The following ANKS1A variants were observed in gnomAD, a reference collection of about 807,000 sequenced individuals.
ANKS1A encodes ankyrin repeat and sterile alpha motif domain containing 1A.
In ANKS1A, 55 loss-of-function variants were observed where a neutral mutation model predicts 120.3. That is an observed-to-expected ratio of 0.46 (90% CI 0.37 to 0.57). The LOEUF (loss-of-function observed/expected upper bound fraction) is 0.57, where lower values mean the gene tolerates loss of function less well. ANKS1A is among the 20% of genes least tolerant of loss of function. The pLI is 0.00. For synonymous variants in ANKS1A, 590 were observed against 604.7 expected (o/e 0.98, Z 0.36); for missense variants, 1,123 against 1,480.3 (o/e 0.76, Z 3.96).
At position 35,091,282 on chromosome 6, in the gene ANKS1A, AGACT is replaced by A. The variant is rs1234961695; in HGVS notation, c.*2677_*2680del. The A allele has an allele frequency of 1.8e-4, 178 of 985,808 alleles. No individual in the cohort carries two copies. Among genetic ancestry groups the A allele is most frequent in the Non-Finnish European group, 2.1e-4 (173 of 829,964 alleles). 61.1% of individuals were successfully genotyped at this position (985,808 alleles called of 1,614,324 possible). Reference sequence around the variant, plus strand: ...ACATAACCAATCTGTGCAACAACATAGACTGACCTCAGTACCCAAGAGAGTGTAA... The same window carrying A: ...ACATAACCAATCTGTGCAACAACATAGACCTCAGTACCCAAGAGAGTGTAA... On this transcript the variant is annotated 3_prime_UTR_variant, in exon 24 of 24. Transcript: ENST00000360359.
chr6:34,940,409 C>G (rs961516445), intron 1 of ANKS1A, among the ~76,000 whole-genome samples: 2 of 152,066 alleles, frequency 1.3e-5, no homozygotes, highest in African/African-American at 2.4e-5. Context: ...CCTTGAGGCA[C>G]TTGTGGGAAT....
At chr6:34,942,300 A>C (rs901168697) in intron 1 of ANKS1A, among the ~76,000 whole-genome samples, 6 of 152,210 alleles carry the variant, frequency 3.9e-5, no homozygotes, top group Admixed American at 1.3e-4. Context: ...TGAACTTGGC[A>C]GTGTATGACA....
intron 3 of ANKS1A, among the ~76,000 whole-genome samples, chr6:34,978,181 C>A (rs1303821442): frequency 6.6e-6 from 1 of 152,078 alleles, no homozygotes; most frequent in Non-Finnish European, 1.5e-5. Flanking sequence ...GGGTCTCTAT[C>A]TCCTGACCTC....
chr6:35,079,390 G>T, intron 14 of ANKS1A, 126 bp from the exon 15 acceptor site: 1 of 1,175,412 alleles, frequency 8.5e-7, no homozygotes, highest in Non-Finnish European at 1.2e-6. Flanking sequence ...GCTGGAAGGT[G>T]CTGAGGACCC....
At position 35,090,540 on chromosome 6, in the gene ANKS1A, T is replaced by G; in HGVS notation, c.*1931T>G. On this transcript the variant is annotated 3_prime_UTR_variant, in exon 24 of 24. Transcript: ENST00000360359. ...TTTATTTATTCAGGGTATTTTCATA[T>G]TGGAAGCCTTGGCTAGTCTGCTCTA... is the stretch of plus-strand genomic sequence containing the variant. The G allele has an allele frequency of 1.9e-6, 2 of 1,035,736 alleles. No homozygotes were observed. The highest frequency in any genetic ancestry group is 2.3e-6 in the Non-Finnish European group (2 of 860,348). The allele number at this position is 1,035,736 out of a possible 1,614,324, so 64.2% of individuals were successfully genotyped here.
In ANKS1A at chr6:35,024,747, A is replaced by AT. The variant is rs540056019; in HGVS notation, c.2010+6690dup. Among the ~76,000 whole-genome samples, 759 of 152,316 alleles carry AT rather than the reference A, an allele frequency of 5.0e-3. 2 individuals carry two copies. The highest frequency in any genetic ancestry group is 0.018 in the South Asian group (87 of 4,822). On this transcript the variant is annotated intron_variant, in intron 11 of 23. Transcript: ENST00000360359. ...ACCTCGCCCTTTCCAGCTCTTTCTC[A>AT]TTAGAGGCATGATGTCATCAAGAGA... is the stretch of plus-strand genomic sequence containing the variant.
chr6:35,086,260 T>C lies in ANKS1A; in HGVS notation c.3303+324T>C, dbSNP rs922647763. The C allele has an allele frequency of 7.4e-7, 1 of 1,352,460 alleles. No homozygotes were observed. The highest frequency in any genetic ancestry group is 9.7e-7 in the Non-Finnish European group (1 of 1,030,060). 83.8% of individuals were successfully genotyped at this position (1,352,460 alleles called of 1,614,324 possible). A position where few individuals can be genotyped will look rare whatever the true frequency, so the allele number is the denominator to read the frequency against. On this transcript the variant is annotated intron_variant, in intron 22 of 23. Transcript: ENST00000360359. The surrounding 1 kb of genome is among the most constrained non-coding windows in gnomAD (Gnocchi z 5.1). Reference sequence around the variant, plus strand: ...CCCTGTGTCTGTGTCTGCTTTGCTCTGCACCCCAGGTGCCGCTGCCCCCCG... The same window carrying C: ...CCCTGTGTCTGTGTCTGCTTTGCTCCGCACCCCAGGTGCCGCTGCCCCCCG...
chr6:35,039,726 AG>A (rs749053112), intron 11 of ANKS1A: 2 of 423,496 alleles, frequency 4.7e-6, no homozygotes, highest in South Asian at 3.3e-5. Flanking sequence ...AGGAAGGGTG[AG>A]AAAGGTCATT....
chr6:35,010,605 T>C (rs931644412), intron 10 of ANKS1A, among the ~76,000 whole-genome samples: 3 of 152,100 alleles, frequency 2.0e-5, no homozygotes, highest in African/African-American at 7.2e-5. Flanking sequence ...AAAAGTCCCA[T>C]AACCAAGGAA....
intron 13 of ANKS1A, among the ~76,000 whole-genome samples, chr6:35,075,564 C>T (rs375009843): frequency 7.2e-5 from 11 of 151,972 alleles, no homozygotes; most frequent in South Asian, 2.1e-4. Context: ...TACAGGCGTC[C>T]GCCACCACAC....
chr6:35,086,908 GCA>G lies in ANKS1A; in HGVS notation c.3304-41_3304-40del. 1 of 1,588,756 alleles carries G rather than the reference GCA, an allele frequency of 6.3e-7. No homozygotes were observed. The highest frequency in any genetic ancestry group is 8.6e-7 in the Non-Finnish European group (1 of 1,157,184). ...GAGGGGCCTGCTGCCTCCAGCCCTGGCACAGAGCTCCCTCTGACTCTTGACTG... is the reference window on the plus strand; with the variant it reads ...GAGGGGCCTGCTGCCTCCAGCCCTGGCAGAGCTCCCTCTGACTCTTGACTG... On this transcript the variant is annotated intron_variant, in intron 22 of 23. Coordinates refer to ENST00000360359, the MANE Select transcript of ANKS1A (RefSeq NM_015245.3). The surrounding 1 kb of genome is among the most constrained non-coding windows in gnomAD (Gnocchi z 5.1).
intron 10 of ANKS1A, among the ~76,000 whole-genome samples, chr6:35,001,865 CTG>C (rs1773188402): frequency 6.6e-6 from 1 of 152,152 alleles, no homozygotes; most frequent in Non-Finnish European, 1.5e-5. Flanking sequence ...TTAACCCAGA[CTG>C]TAAGGCCCTG....
At chr6:35,063,992 G>T (rs914493179) in intron 13 of ANKS1A, among the ~76,000 whole-genome samples, 4 of 152,224 alleles carry the variant, frequency 2.6e-5, no homozygotes, top group Non-Finnish European at 5.9e-5. Flanking sequence ...GACAGGAAAG[G>T]CCTGCTGAGA....
At chr6:35,000,778 A>T (rs1773125859) in intron 10 of ANKS1A, among the ~76,000 whole-genome samples, 1 of 152,182 alleles carries the variant, frequency 6.6e-6, no homozygotes, top group Non-Finnish European at 1.5e-5. Context: ...ACCTTTGGTA[A>T]AAGGATTATA....
chr6:35,072,044 T>C (rs1483416268), intron 13 of ANKS1A, among the ~76,000 whole-genome samples: 1 of 152,282 alleles, frequency 6.6e-6, no homozygotes, highest in African/African-American at 2.4e-5. Flanking sequence ...CCTTTGCCAC[T>C]TTGTTGAATG....
At chr6:34,908,902 A>G (rs1174946437) in intron 1 of ANKS1A, among the ~76,000 whole-genome samples, 1 of 152,172 alleles carries the variant, frequency 6.6e-6, no homozygotes, top group Non-Finnish European at 1.5e-5. Context: ...AAAAAAAAAG[A>G]AAAATTATTG....
intron 1 of ANKS1A, among the ~76,000 whole-genome samples, chr6:34,925,738 G>C (rs946239570): frequency 1.3e-5 from 2 of 152,288 alleles, no homozygotes; most frequent in Non-Finnish European, 2.9e-5. Context: ...AGTTATTTTG[G>C]AGAAGTGATT....
chr6:35,020,231 G>GA (rs1170749665), intron 11 of ANKS1A, among the ~76,000 whole-genome samples: 3 of 151,864 alleles, frequency 2.0e-5, no homozygotes, highest in Non-Finnish European at 4.4e-5. Context: ...ATATTTGGGG[G>GA]AAAAAATAAC....
chr6:35,082,306 C>T lies in ANKS1A; in HGVS notation c.2710-385C>T, dbSNP rs1777727528. 5.3e-5 allele frequency among the ~76,000 whole-genome samples: 8 copies of T among 152,056 alleles called. No individual in the cohort carries two copies. In the South Asian group the frequency reaches 1.7e-3, roughly 32 times the overall value. On this transcript the variant is annotated intron_variant, in intron 17 of 23. Coordinates refer to ENST00000360359, the MANE Select transcript of ANKS1A (RefSeq NM_015245.3). The surrounding 1 kb of genome is among the most constrained non-coding windows in gnomAD (Gnocchi z 4.1). ...CCAGGCCCTGGGCTGGGTCCCAAGG[C>T]GTCCCAGGGTCTCGTGGGCGCTGTT...
Sources: gnomAD v4.1 joint callset for allele counts (sites outside exome capture counted in the v4.1 genomes callset) on GRCh38, gnomAD v4.1.1 for gene constraint, Gnocchi (gnomAD v3.1) non-coding constraint, MANE v1.5 for transcripts, NCBI Gene and HGNC (gene_info 2026-07-23, HGNC 2026-07-21) for gene names.